The following TNFAIP8 variants were observed in gnomAD, a reference collection of about 807,000 sequenced individuals.
The protein encoded by TNFAIP8 is tumor necrosis factor alpha-induced protein 8.
Under a neutral mutation model 13.3 loss-of-function variants are expected in TNFAIP8, and 7 were observed. That is an observed-to-expected ratio of 0.52 (90% confidence interval 0.30 to 0.99). TNFAIP8 has a LOEUF of 0.99. TNFAIP8 is among the 50% of genes least tolerant of loss of function. The pLI, the probability that TNFAIP8 is intolerant of heterozygous loss-of-function variation, is 0.07. For missense variants in TNFAIP8, 258 were observed against 236.9 expected (o/e 1.09, Z -0.58); for synonymous variants, 94 against 87.6 (o/e 1.07, Z -0.41).
At chr5:119,358,428 A>G (rs968419295) in intron 1 of TNFAIP8, among the ~76,000 whole-genome samples, 5 of 152,204 alleles carry the variant, frequency 3.3e-5, no homozygotes, top group African/African-American at 1.2e-4. Flanking sequence ...CCCAGCCTAT[A>G]GCCATCTCCT....
intron 1 of TNFAIP8, among the ~76,000 whole-genome samples, chr5:119,367,848 A>G (rs1319920421): frequency 6.6e-6 from 1 of 152,098 alleles, no homozygotes; most frequent in African/African-American, 2.4e-5. Context: ...ATTTTTTTTC[A>G]GGCCATCACT....
At chr5:119,275,159 A>G (rs1229806836) in intron 1 of TNFAIP8, among the ~76,000 whole-genome samples, 2 of 152,188 alleles carry the variant, frequency 1.3e-5, no homozygotes, top group Non-Finnish European at 2.9e-5. Context: ...GAAATAACAA[A>G]GTTGTTTTTA....
rs770421046 is a variant in TNFAIP8 at position 119,356,063 on chromosome 5, C to T, written c.-28C>T. 8.9e-6 allele frequency: 14 copies of T among 1,568,974 alleles called. No homozygotes were observed. The highest frequency in any genetic ancestry group is 1.4e-5 in the African/African-American group (1 of 73,408). On this transcript the variant is annotated 5_prime_UTR_variant, in exon 1 of 2. Transcript: ENST00000504771. ...CGTCCGAGTACATGTGAGCGGTAATCGCCCCTGCAGCTGGTTATCCTGACA... is the reference window on the plus strand; with the variant it reads ...CGTCCGAGTACATGTGAGCGGTAATTGCCCCTGCAGCTGGTTATCCTGACA...
rs145294872 is a variant in TNFAIP8, at chr5:119,289,404, G to C, written c.1+20497G>C. Among the ~76,000 whole-genome samples the C allele has an allele frequency of 3.5e-4, 53 of 152,322 alleles. No homozygotes were observed. In the East Asian group the frequency reaches 9.8e-3, roughly 28 times the overall value. On this transcript the variant is annotated intron_variant, in intron 1 of 1. Transcript: ENST00000274456. Reference sequence around the variant, plus strand: ...GATCCCAAGAAGACCTAAGAGGACTGTTAGGTTTGTAAGAGAAGGACTGTG... The same window carrying C: ...GATCCCAAGAAGACCTAAGAGGACTCTTAGGTTTGTAAGAGAAGGACTGTG...
chr5:119,282,403 T>G (rs1274146415), intron 1 of TNFAIP8, among the ~76,000 whole-genome samples: 1 of 152,218 alleles, frequency 6.6e-6, no homozygotes, highest in South Asian at 2.1e-4. Context: ...TTTCCTCTGA[T>G]CTGGTGAGGC....
rs143731305 is a variant in TNFAIP8, at chr5:119,375,533, A to C, written c.32-17283A>C. ...ACCATTAGAGAAGTAATTAATCTTCAAGACAGCAAGTTCGTATATTTTGGA... is the reference window on the plus strand; with the variant it reads ...ACCATTAGAGAAGTAATTAATCTTCCAGACAGCAAGTTCGTATATTTTGGA... On this transcript the variant is annotated intron_variant, in intron 1 of 1. Coordinates refer to ENST00000504771, the MANE Select transcript of TNFAIP8 (RefSeq NM_014350.4). 3.5e-3 allele frequency among the ~76,000 whole-genome samples: 535 copies of C among 152,350 alleles called. 2 individuals carry two copies. Among genetic ancestry groups the C allele is most frequent in the South Asian group, 0.014 (68 of 4,828 alleles).
chr5:119,322,233 A>C (rs919546947), intron 1 of TNFAIP8, among the ~76,000 whole-genome samples: 7 of 152,002 alleles, frequency 4.6e-5, no homozygotes, highest in African/African-American at 9.7e-5. Flanking sequence ...TTTTCCAGCT[A>C]TTTTGTTAGA....
chr5:119,367,910 G>C (rs573956721), intron 1 of TNFAIP8, among the ~76,000 whole-genome samples: 1 of 152,148 alleles, frequency 6.6e-6, no homozygotes, highest in Admixed American at 6.5e-5. Flanking sequence ...TGATGCTGGT[G>C]TTTTGTTCAG....
intron 1 of TNFAIP8, among the ~76,000 whole-genome samples, chr5:119,343,366 A>G (rs1750803388): frequency 6.6e-6 from 1 of 152,116 alleles, no homozygotes; most frequent in African/African-American, 2.4e-5. Flanking sequence ...TGTAAACTTG[A>G]TAGTTTTATA....
chr5:119,387,277 A>G (rs1198024905), intron 1 of TNFAIP8, among the ~76,000 whole-genome samples: 1 of 152,204 alleles, frequency 6.6e-6, no homozygotes, highest in East Asian at 1.9e-4. Flanking sequence ...TTTAGATACA[A>G]GAGAGCTAAG....
upstream of TNFAIP8, among the ~76,000 whole-genome samples, chr5:119,353,950 G>C (rs1751282600): frequency 6.6e-6 from 1 of 152,154 alleles, no homozygotes; most frequent in South Asian, 2.1e-4. Context: ...ACACGGCCCT[G>C]GTGAGATCCC....
At chr5:119,349,963 A>G (rs1190012048) in intron 1 of TNFAIP8, among the ~76,000 whole-genome samples, 1 of 152,248 alleles carries the variant, frequency 6.6e-6, no homozygotes, top group African/African-American at 2.4e-5. Flanking sequence ...CTTAGATTGC[A>G]TTCATTGTGG....
intron 1 of TNFAIP8, among the ~76,000 whole-genome samples, chr5:119,356,547 T>C (rs1728057815): frequency 6.6e-6 from 1 of 152,104 alleles, no homozygotes; most frequent in Non-Finnish European, 1.5e-5. Flanking sequence ...GCTATATGTT[T>C]CCGGCTAAAA....
At chr5:119,348,195 C>T (rs922415544) in intron 1 of TNFAIP8, among the ~76,000 whole-genome samples, 1 of 152,106 alleles carries the variant, frequency 6.6e-6, no homozygotes, top group Non-Finnish European at 1.5e-5. Flanking sequence ...TGAATGCTCA[C>T]GATAATCAAT....
Position 119,393,460 on chromosome 5 carries a change from A to G in TNFAIP8, c.*79A>G, listed in dbSNP as rs534631665. ...CTGATTTATGAAGGAAAAAAGAAGA[A>G]TTTTCTAAAGATTACACATATTTCA... is the stretch of plus-strand genomic sequence containing the variant. On this transcript the variant is annotated 3_prime_UTR_variant, in exon 2 of 2. Transcript: ENST00000504771. 4.8e-5 allele frequency: 64 copies of G among 1,322,170 alleles called. 2 individuals are homozygous for G. In the South Asian group the frequency reaches 8.9e-4, roughly 18 times the overall value. 81.9% of individuals were successfully genotyped at this position (1,322,170 alleles called of 1,614,324 possible). A position where few individuals can be genotyped will look rare whatever the true frequency, so the allele number is the denominator to read the frequency against.
At chr5:119,323,019 ACCC>A (rs924807066) in intron 1 of TNFAIP8, among the ~76,000 whole-genome samples, 4 of 152,088 alleles carry the variant, frequency 2.6e-5, no homozygotes, top group Non-Finnish European at 5.9e-5. Context: ...TTCTGGCCTT[ACCC>A]CTATGCCCAA....
intron 1 of TNFAIP8, among the ~76,000 whole-genome samples, chr5:119,269,920 T>A (rs1748227480): frequency 6.6e-6 from 1 of 152,222 alleles, no homozygotes; most frequent in South Asian, 2.1e-4. Flanking sequence ...ATCTATAAAA[T>A]GATTGCCTGG....
At chr5:119,285,653 GA>G (rs142095475) in intron 1 of TNFAIP8, among the ~76,000 whole-genome samples, 2,689 of 152,306 alleles carry the variant, frequency 0.018, 40 homozygotes, top group Middle Eastern at 0.068. Flanking sequence ...TTTTACACAA[GA>G]GAGCCTATCT....
intron 1 of TNFAIP8, chr5:119,333,308 A>C (rs998010658): frequency 8.4e-7 from 1 of 1,185,404 alleles, no homozygotes; most frequent in African/African-American, 1.6e-5. Flanking sequence ...TGGACTCACA[A>C]TTAAAGGCTA....
Sources: allele counts gnomAD v4.1 joint callset (sites outside exome capture counted in the v4.1 genomes callset), GRCh38; gene constraint gnomAD v4.1.1; transcripts MANE v1.5; gene names NCBI Gene and HGNC (gene_info 2026-07-23, HGNC 2026-07-21).